CPZ: variants seen among roughly 807,000 people sequenced by gnomAD.
CPZ encodes the protein carboxypeptidase Z.
Under a neutral mutation model 61.8 loss-of-function variants are expected in CPZ, and 103 were observed. The ratio of observed to expected loss-of-function variants is 1.67; its 90% CI spans 1.42 to 1.96. The LOEUF is 1.96. Among genes scored for constraint, CPZ ranks in the 30% most tolerant of loss-of-function variants. The pLI is 0.00. For synonymous variants in CPZ, 551 were observed against 373.7 expected, an observed-to-expected ratio of 1.47 and a Z score of -5.47; for missense variants, 1,461 against 914.9, an observed-to-expected ratio of 1.60 and a Z score of -7.70.
At position 8,611,960 on chromosome 4, in the gene CPZ, T is replaced by A. The variant is rs568923212; in HGVS notation, c.1228-67T>A. 3 of 1,607,784 alleles carry A rather than the reference T, an allele frequency of 1.9e-6. No homozygotes were observed. In the Admixed American group the frequency reaches 5.0e-5, roughly 27 times the overall value. ...TTTGCACGCGCAGCTCCTCCCCTCA[T>A]TGACCCCAGCTCACAGGACGTCCTG... On this transcript the variant is annotated intron_variant, in intron 7 of 10. Transcript: ENST00000360986.
intron 7 of CPZ, among the ~76,000 whole-genome samples, chr4:8,609,134 A>ACTCAC (rs1553877613): frequency 3.2e-5 from 4 of 124,816 alleles, no homozygotes; most frequent in Non-Finnish European, 5.5e-5. Context: ...TCATTCACTC[A>ACTCAC]TTTACTCATT....
At chr4:8,617,931 G>C (rs1716326466) in intron 9 of CPZ, among the ~76,000 whole-genome samples, 1 of 152,098 alleles carries the variant, frequency 6.6e-6, no homozygotes, top group Non-Finnish European at 1.5e-5. Context: ...GCCAAGGCCA[G>C]GCAAGCAGTA....
chr4:8,610,743 G>A (rs1337078129), intron 7 of CPZ, among the ~76,000 whole-genome samples: 1 of 152,176 alleles, frequency 6.6e-6, no homozygotes, highest in Non-Finnish European at 1.5e-5. Flanking sequence ...ACAGGTGCAG[G>A]GGCTGCTGGC....
At chr4:8,599,651 G>A (rs1714429045) in intron 2 of CPZ, 166 bp downstream of exon 2, 2 of 1,445,796 alleles carry the variant, frequency 1.4e-6, no homozygotes, top group Non-Finnish European at 1.8e-6. Context: ...AGAAAAATTA[G>A]ACATAACAAA....
chr4:8,600,048 A>G (rs1041191529), intron 2 of CPZ: 1 of 152,358 alleles, frequency 6.6e-6, no homozygotes, highest in African/African-American at 2.4e-5. Context: ...CATCTGGTGT[A>G]TTCTAAGTGG....
intron 5 of CPZ, 45 bp downstream of exon 5, chr4:8,606,230 A>G: frequency 6.5e-7 from 1 of 1,546,990 alleles, no homozygotes; most frequent in Non-Finnish European, 8.8e-7. Flanking sequence ...CGCCCGAACC[A>G]CCCCCTCATT....
intron 4 of CPZ, among the ~76,000 whole-genome samples, chr4:8,604,979 A>G (rs927352187): frequency 6.6e-6 from 1 of 152,196 alleles, no homozygotes; most frequent in Non-Finnish European, 1.5e-5. Flanking sequence ...AAGGCTCACT[A>G]TGTTCCCTCT....
chr4:8,618,361 A>G (rs1247133000), intron 9 of CPZ, 68 bp from the exon 10 acceptor site: 2 of 1,481,196 alleles, frequency 1.4e-6, no homozygotes, highest in Non-Finnish European at 1.9e-6. Context: ...GTGGGGAACG[A>G]GCTGACGGCC....
rs1414794794 is a variant in CPZ, at chr4:8,599,504, C to T, written c.121+19C>T. 2 of 1,613,470 alleles carry T rather than the reference C, an allele frequency of 1.2e-6. No homozygotes were observed. The highest frequency in any genetic ancestry group is 1.1e-5 in the South Asian group (1 of 90,886). On this transcript the variant is annotated intron_variant, in intron 2 of 10. Transcript: ENST00000360986. ...GACAGCGGTACAGTACCGGGACCTC[C>T]CTGGCTTCTGTTCTGTAGGAGGGCT...
chr4:8,601,392 C>G lies in CPZ; in HGVS notation c.391C>G (p.Pro131Ala). 6.3e-7 allele frequency: 1 copy of G among 1,594,214 alleles called. No individual in the cohort carries two copies. Among genetic ancestry groups the G allele is most frequent in the South Asian group, 1.1e-5 (1 of 89,048 alleles). The part of the protein sequence containing the change: ...ICEGLREVCQ[P>A]AFDAIDMAWP... ...CGAGGGCCTGCGGGAGGTCTGCCAGCCCGCCTTCGACGCCATTGACATGGC... is the reference window on the plus strand; with the variant it reads ...CGAGGGCCTGCGGGAGGTCTGCCAGGCCGCCTTCGACGCCATTGACATGGC... Residue 131 changes from proline to alanine, a missense_variant, in exon 3 of 11, where the codon CCC becomes GCC. Transcript: ENST00000360986.
intron 7 of CPZ, 144 bp downstream of exon 7, chr4:8,607,569 G>A (rs897116120): frequency 1.1e-6 from 1 of 908,010 alleles, no homozygotes; most frequent in Admixed American, 2.9e-5. Flanking sequence ...CCTGCTCCAG[G>A]CCCAGCTCTG....
chr4:8,608,349 G>C (rs1171554381), intron 7 of CPZ, among the ~76,000 whole-genome samples: 1 of 152,200 alleles, frequency 6.6e-6, no homozygotes, highest in Non-Finnish European at 1.5e-5. Context: ...GGAGCAGGGA[G>C]AGAGGGACTG....
At chr4:8,599,784 C>G in intron 2 of CPZ, 1 of 493,384 alleles carries the variant, frequency 2.0e-6, no homozygotes, top group Non-Finnish European at 3.3e-6. Context: ...TGCATTTGGG[C>G]CTTGTCCACA....
rs1432288426 is a variant in CPZ, at chr4:8,604,179, C to T, written c.700C>T (p.His234Tyr). The T allele has an allele frequency of 1.3e-6, 2 of 1,554,836 alleles. No individual in the cohort carries two copies. The highest frequency in any genetic ancestry group is 1.4e-5 in the African/African-American group (1 of 73,504). ...VIEFSSRPGQ[H>Y]ELMEPEVKLI... The stretch of plus-strand genomic sequence containing the variant: ...CGAGTTCTCCAGCCGCCCCGGCCAG[C>T]ACGAGCTGAGTGAGTGCCCTTGGGA... Residue 234 changes from histidine to tyrosine, a missense_variant, in exon 4 of 11, where the codon CAC becomes TAC. His to Tyr is a moderately conservative substitution (Grantham distance 83, BLOSUM62 2). Transcript: ENST00000360986.
At chr4:8,609,137 TACTCATTC>T (rs1715354631) in intron 7 of CPZ, among the ~76,000 whole-genome samples, 2 of 29,302 alleles carry the variant, frequency 6.8e-5, no homozygotes, top group African/African-American at 2.7e-4. Flanking sequence ...TTCACTCATT[TACTCATTC>T]ACCCACTCCC....
At position 8,606,337 on chromosome 4, in the gene CPZ, C is replaced by G. The variant is rs1324315227; in HGVS notation, c.906+152C>G. On this transcript the variant is annotated intron_variant, in intron 5 of 10. Coordinates refer to ENST00000360986, the MANE Select transcript of CPZ (RefSeq NM_001014447.3). ...TGTCGATACTGGCAAACCCCTGCTT[C>G]AGGGGCTGGGGAGAAGGAAGGCACT... 5.2e-5 allele frequency: 40 copies of G among 762,564 alleles called. No individual in the cohort carries two copies. In the South Asian group the frequency reaches 7.5e-4, roughly 14 times the overall value. 47.2% of individuals were successfully genotyped at this position (762,564 alleles called of 1,614,324 possible).
chr4:8,608,354 G>T (rs1715232039), intron 7 of CPZ, among the ~76,000 whole-genome samples: 1 of 152,168 alleles, frequency 6.6e-6, no homozygotes, highest in Non-Finnish European at 1.5e-5. Flanking sequence ...AGGGAGAGAG[G>T]GACTGGCCCT....
chr4:8,600,989 G>A, intron 2 of CPZ, 134 bp from the exon 3 acceptor site: 2 of 1,416,696 alleles, frequency 1.4e-6, no homozygotes, highest in Non-Finnish European at 1.8e-6. Context: ...TGTTGTCCTG[G>A]TCCTCCCCTG....
chr4:8,611,416 A>G (rs1364747194), intron 7 of CPZ: 1 of 413,322 alleles, frequency 2.4e-6, no homozygotes, highest in African/African-American at 2.0e-5. Flanking sequence ...ACACATCCAA[A>G]CATGTCAAGG....
Sources: gnomAD v4.1 joint callset for allele counts (sites outside exome capture counted in the v4.1 genomes callset) on GRCh38, gnomAD v4.1.1 for gene constraint, MANE v1.5 for transcripts, NCBI Gene and HGNC (gene_info 2026-07-23, HGNC 2026-07-21) for gene names.